The following FMN1 variants were observed in gnomAD, a reference collection of about 807,000 sequenced individuals.
The protein encoded by FMN1 is formin-1.
In FMN1, 110 loss-of-function variants were observed where a neutral mutation model predicts 132.4. That is an observed-to-expected ratio of 0.83 (90% CI 0.71 to 0.97). The LOEUF (loss-of-function observed/expected upper bound fraction) is 0.97. FMN1 is among the 50% of genes least tolerant of loss of function. The pLI, the probability that FMN1 is intolerant of heterozygous loss-of-function variation, is 0.00. For missense variants in FMN1, 1,792 were observed against 1,705.3 expected (o/e 1.05, Z -0.90); for synonymous variants, 722 against 651.7 (o/e 1.11, Z -1.64).
At chr15:33,114,833 G>A (rs2039851418) in intron 4 of FMN1, among the ~76,000 whole-genome samples, 3 of 152,118 alleles carry the variant, frequency 2.0e-5, no homozygotes, top group African/African-American at 7.2e-5. Flanking sequence ...TAAGATCTTT[G>A]ACTTCTGGAA....
At chr15:33,023,468 A>G (rs557314224) in intron 6 of FMN1, among the ~76,000 whole-genome samples, 3 of 152,338 alleles carry the variant, frequency 2.0e-5, no homozygotes, top group East Asian at 3.9e-4. Flanking sequence ...TAATCATCAT[A>G]AACAATAATG....
intron 7 of FMN1, among the ~76,000 whole-genome samples, chr15:32,983,957 G>C (rs1304738947): frequency 6.6e-6 from 1 of 152,124 alleles, no homozygotes; most frequent in Non-Finnish European, 1.5e-5. Flanking sequence ...GCCAGGCAAG[G>C]GGGTGAATGA....
In FMN1 at chr15:32,836,497, CCCTTA is replaced by C. The variant is rs545371396; in HGVS notation, c.3928+20513_3928+20517del. On this transcript the variant is annotated intron_variant, in intron 17 of 20. Coordinates refer to ENST00000616417, the MANE Select transcript of FMN1 (RefSeq NM_001277313.2). ...AGCTTTACCTCAGCAACTCTTTCTC[CCCTTA>C]CTTTTAGTCTCAGTACTACAAATGC... Among the ~76,000 whole-genome samples the C allele has an allele frequency of 5.3e-5, 8 of 152,234 alleles. No individual in the cohort carries two copies. The South Asian group carries it at 1.7e-3, about 32-fold the overall frequency.
At chr15:32,777,559 T>TATAACACTTTATATATTACGTATAAC (rs2056472954) in intron 19 of FMN1, among the ~76,000 whole-genome samples, 3 of 145,178 alleles carry the variant, frequency 2.1e-5, no homozygotes, top group Admixed American at 2.1e-4. Context: ...ACGTATAACA[T>TATAACACTTTATATATTACGTATAAC]ATAACACTTT....
chr15:32,915,122 T>C (rs2060653214), intron 10 of FMN1, among the ~76,000 whole-genome samples: 1 of 152,232 alleles, frequency 6.6e-6, no homozygotes, highest in South Asian at 2.1e-4. Context: ...TCTAATAATA[T>C]TGGCCTGGGA....
intron 3 of FMN1, among the ~76,000 whole-genome samples, chr15:33,166,471 A>G (rs1440108660): frequency 6.6e-6 from 1 of 152,214 alleles, no homozygotes; most frequent in African/African-American, 2.4e-5. Flanking sequence ...CAGTGAAGCA[A>G]GTGGACTCAA....
chr15:32,909,123 A>C (rs1048251754), intron 11 of FMN1, among the ~76,000 whole-genome samples: 7 of 152,220 alleles, frequency 4.6e-5, no homozygotes, highest in African/African-American at 4.8e-5. Flanking sequence ...AATGAAGCTT[A>C]TCTCTACTGT....
chr15:33,057,149 C>G (rs902411991), intron 6 of FMN1, among the ~76,000 whole-genome samples: 1 of 152,162 alleles, frequency 6.6e-6, no homozygotes, highest in Admixed American at 6.5e-5. Context: ...TGTACTCCAG[C>G]CTGGGTGACA....
intron 6 of FMN1, among the ~76,000 whole-genome samples, chr15:33,046,378 C>T (rs149112016): frequency 7.6e-4 from 116 of 152,238 alleles, no homozygotes; most frequent in African/African-American, 2.7e-3. Flanking sequence ...TCTAGGGATG[C>T]CTATTAATAT....
chr15:33,156,527 C>T (rs568325825), intron 3 of FMN1, among the ~76,000 whole-genome samples: 6 of 151,720 alleles, frequency 4.0e-5, no homozygotes, highest in South Asian at 2.1e-4. Flanking sequence ...TGGACTCAAG[C>T]GATCCTCCCA....
chr15:32,970,158 G>A (rs1036922203), intron 7 of FMN1, among the ~76,000 whole-genome samples: 1 of 152,140 alleles, frequency 6.6e-6, no homozygotes, highest in African/African-American at 2.4e-5. Context: ...TAAGACAGTA[G>A]TAGCCTTTTT....
Position 32,969,074 on chromosome 15 carries a change from G to C in FMN1, c.2627C>G (p.Pro876Arg), listed in dbSNP as rs766927259. The change falls in exon 8 of 21, where the codon CCT becomes CGT. Residue 876 changes from proline (P) to arginine (R), a missense_variant. Coordinates refer to ENST00000616417, the MANE Select transcript of FMN1 (RefSeq NM_001277313.2). ...KALPPPPASI[P>R]PPPPLPSGLG... ...TCCTGAGGGGAGGGGCGGAGGGGGA[G>C]GGATGGATGCGGGAGGCGGAGGCAA... is the stretch of plus-strand genomic sequence containing the variant. The C allele has an allele frequency of 1.3e-5, 21 of 1,591,886 alleles. No homozygotes were observed. Among genetic ancestry groups the C allele is most frequent in the Non-Finnish European group, 1.8e-5 (21 of 1,166,954 alleles).
chr15:33,084,198 CCTG>C (rs1251847352), intron 5 of FMN1, among the ~76,000 whole-genome samples: 1 of 152,188 alleles, frequency 6.6e-6, no homozygotes, highest in Non-Finnish European at 1.5e-5. Context: ...TCTTAGTAAA[CCTG>C]CTTTTACTTT....
chr15:32,998,517 G>A (rs2033910735), intron 7 of FMN1, among the ~76,000 whole-genome samples: 1 of 152,158 alleles, frequency 6.6e-6, no homozygotes, highest in East Asian at 1.9e-4. Flanking sequence ...ATATTTAAGA[G>A]TGATGTGTGA....
At chr15:33,112,702 C>T (rs922942052) in intron 4 of FMN1, among the ~76,000 whole-genome samples, 2 of 152,096 alleles carry the variant, frequency 1.3e-5, no homozygotes, top group African/African-American at 2.4e-5. Context: ...TTGTTGAGTA[C>T]GTGATAACAG....
At chr15:32,990,451 T>C (rs2033365404) in intron 7 of FMN1, among the ~76,000 whole-genome samples, 1 of 152,164 alleles carries the variant, frequency 6.6e-6, no homozygotes, top group Non-Finnish European at 1.5e-5. Flanking sequence ...AATTACTTCA[T>C]CTGTTTCAGT....
chr15:32,788,275 G>A (rs901188788), intron 19 of FMN1, among the ~76,000 whole-genome samples: 4 of 152,212 alleles, frequency 2.6e-5, no homozygotes, highest in African/African-American at 7.2e-5. Flanking sequence ...TAACAGCATC[G>A]CATTCATTTC....
At chr15:33,136,874 G>T (rs1033177123) in intron 4 of FMN1, among the ~76,000 whole-genome samples, 10 of 152,006 alleles carry the variant, frequency 6.6e-5, no homozygotes, top group Non-Finnish European at 1.5e-4. Context: ...GATCACCTGA[G>T]ATCAGGAGTT....
intron 7 of FMN1, among the ~76,000 whole-genome samples, chr15:32,988,357 G>A (rs573085686): frequency 3.9e-4 from 60 of 152,288 alleles, no homozygotes; most frequent in African/African-American, 1.4e-3. Context: ...CAAAGTATTT[G>A]AAAGAGGTGG....
Sources: gnomAD v4.1 joint callset for allele counts (sites outside exome capture counted in the v4.1 genomes callset) on GRCh38, gnomAD v4.1.1 for gene constraint, MANE v1.5 for transcripts, NCBI Gene and HGNC (gene_info 2026-07-23, HGNC 2026-07-21) for gene names.